The following PRRC2C variants were observed in gnomAD, a reference collection of about 807,000 sequenced individuals.
PRRC2C encodes protein PRRC2C.
A neutral mutation model predicts 317.2 loss-of-function variants in PRRC2C; 72 were observed. The observed-to-expected ratio is 0.23, with a 90% CI of 0.19 to 0.28. The LOEUF is 0.28. Ranked by LOEUF, PRRC2C falls within the 10% of genes least tolerant of loss-of-function variation. The pLI, the probability that PRRC2C is intolerant of heterozygous loss-of-function variation, is 1.00. For synonymous variants in PRRC2C, 1,296 were observed against 1,205.9 expected, an observed-to-expected ratio of 1.07 and a Z score of -1.55; for missense variants, 3,074 against 3,459.7, an observed-to-expected ratio of 0.89 and a Z score of 2.80.
chr1:171,576,897 C>T (rs934074630), intron 25 of PRRC2C, among the ~76,000 whole-genome samples: 1 of 152,140 alleles, frequency 6.6e-6, no homozygotes, highest in African/African-American at 2.4e-5. Context: ...CAATGTTCCC[C>T]AGGCTGGTCT....
chr1:171,503,988 A>T (rs182784790), intron 1 of PRRC2C, among the ~76,000 whole-genome samples: 2 of 152,206 alleles, frequency 1.3e-5, no homozygotes, highest in African/African-American at 4.8e-5. Context: ...GTTACCTTCC[A>T]CCGAGTCCCT....
At chr1:171,499,366 T>C (rs1361145313) in intron 1 of PRRC2C, among the ~76,000 whole-genome samples, 1 of 152,232 alleles carries the variant, frequency 6.6e-6, no homozygotes, top group Non-Finnish European at 1.5e-5. Flanking sequence ...AGTGATGTTT[T>C]GTAGATCATT....
intron 5 of PRRC2C, among the ~76,000 whole-genome samples, chr1:171,516,111 C>G (rs967321525): frequency 6.6e-6 from 1 of 152,126 alleles, no homozygotes; most frequent in Non-Finnish European, 1.5e-5. Context: ...AACAAGATGT[C>G]CAGGTGACTT....
intron 23 of PRRC2C, among the ~76,000 whole-genome samples, chr1:171,570,491 G>A (rs1471238091): frequency 6.6e-6 from 1 of 152,206 alleles, no homozygotes; most frequent in Admixed American, 6.5e-5. Context: ...ATGTATGAAA[G>A]AATCTCCATT....
At chr1:171,537,730 G>A (rs184995807) in intron 15 of PRRC2C, among the ~76,000 whole-genome samples, 1 of 152,192 alleles carries the variant, frequency 6.6e-6, no homozygotes, top group African/African-American at 2.4e-5. Context: ...TTTTGAGATA[G>A]GAACTTGCTC....
At position 171,540,586 on chromosome 1, in the gene PRRC2C, G is replaced by A; in HGVS notation, c.3120G>A (p.Lys1040=). 1 of 1,613,812 alleles carries A rather than the reference G, an allele frequency of 6.2e-7. No homozygotes were observed. The change falls in exon 16 of 35, where the codon AAG becomes AAA. Residue 1040 remains lysine, a synonymous_variant. Coordinates refer to ENST00000647382, the MANE Select transcript of PRRC2C (RefSeq NM_001387844.1). ...AGAGGAAGGAGAAAGAAGGAGAAAAGGCCGAAAAGGTCACTGAAAAAGTAG... is the reference window on the plus strand; with the variant it reads ...AGAGGAAGGAGAAAGAAGGAGAAAAAGCCGAAAAGGTCACTGAAAAAGTAG... ...REQRKEKEGE[K]AEKVTEKVVV...
In PRRC2C at chr1:171,566,292, T is replaced by C; in HGVS notation, c.6177T>C (p.Gly2059=). 1 of 1,610,954 alleles carries C rather than the reference T, an allele frequency of 6.2e-7. No individual in the cohort carries two copies. The highest frequency in any genetic ancestry group is 8.5e-7 in the Non-Finnish European group (1 of 1,178,590). ...TTGGAACTGACACAATTCAGTTTGG[T>C]GCTCCAGCCTCAAATGGAAATGAAA... is the stretch of plus-strand genomic sequence containing the variant. ...LEIGTDTIQF[G]APASNGNENE... The change falls in exon 21 of 35, where the codon GGT becomes GGC. Residue 2059 remains glycine (G), a synonymous_variant. Coordinates refer to ENST00000647382, the MANE Select transcript of PRRC2C (RefSeq NM_001387844.1).
intron 1 of PRRC2C, among the ~76,000 whole-genome samples, chr1:171,494,849 T>C (rs1667836352): frequency 1.3e-5 from 2 of 150,226 alleles, no homozygotes; most frequent in South Asian, 4.2e-4. Flanking sequence ...AAAACAAAGC[T>C]CTGGGCCTGG....
intron 20 of PRRC2C, among the ~76,000 whole-genome samples, chr1:171,565,218 A>G (rs1683423003): frequency 1.3e-5 from 2 of 152,040 alleles, no homozygotes; most frequent in Non-Finnish European, 2.9e-5. Context: ...TGGTCTCCCT[A>G]AACTCTTTCC....
chr1:171,577,558 T>G lies in PRRC2C; in HGVS notation c.7080T>G (p.Phe2360Leu). The G allele has an allele frequency of 6.2e-7, 1 of 1,613,868 alleles. No individual in the cohort carries two copies. The highest frequency in any genetic ancestry group is 1.1e-5 in the South Asian group (1 of 91,084). ...QTSSLPSASH[F>L]SQLSCMPSLI... ...GCAGCCTGCCTTCTGCAAGTCATTT[T>G]TCACAGTTAAGCTGTATGCCTTCCC... The change falls in exon 26 of 35, where the codon TTT (phenylalanine) becomes TTG (leucine). Residue 2360 changes from phenylalanine (F) to leucine (L), a missense_variant. Coordinates refer to ENST00000647382, the MANE Select transcript of PRRC2C (RefSeq NM_001387844.1).
chr1:171,536,906 TATC>T (rs1041147134), intron 14 of PRRC2C, among the ~76,000 whole-genome samples: 7 of 152,248 alleles, frequency 4.6e-5, no homozygotes, highest in African/African-American at 1.7e-4. Flanking sequence ...CTCTGAAAGT[TATC>T]ATAGTATAAT....
chr1:171,512,718 C>T (rs953615749), intron 2 of PRRC2C: 4 of 298,608 alleles, frequency 1.3e-5, no homozygotes, highest in African/African-American at 8.8e-5. Context: ...GAAATAGATT[C>T]TCTGAAAAAA....
At chr1:171,559,615 G>A (rs1409851344) in intron 19 of PRRC2C, among the ~76,000 whole-genome samples, 3 of 136,094 alleles carry the variant, frequency 2.2e-5, no homozygotes, top group Non-Finnish European at 4.6e-5. Flanking sequence ...TCCGCCTCCC[G>A]GATTCAAGCA....
Position 171,579,339 on chromosome 1 carries a change from C to G in PRRC2C, c.7160-15C>G. 4 of 1,607,380 alleles carry G rather than the reference C, an allele frequency of 2.5e-6. No homozygotes were observed. The highest frequency in any genetic ancestry group is 3.4e-6 in the Non-Finnish European group (4 of 1,175,824). ...AGGACACTTACTACTGCTTGTTTATCCTGATGGTCTACAGCTCAAATCCCA... is the reference window on the plus strand; with the variant it reads ...AGGACACTTACTACTGCTTGTTTATGCTGATGGTCTACAGCTCAAATCCCA... On this transcript the variant is annotated splice_polypyrimidine_tract_variant and intron_variant, in intron 26 of 34. Coordinates refer to ENST00000647382, the MANE Select transcript of PRRC2C (RefSeq NM_001387844.1).
At chr1:171,490,563 T>C (rs1361705261) in intron 1 of PRRC2C, among the ~76,000 whole-genome samples, 1 of 152,158 alleles carries the variant, frequency 6.6e-6, no homozygotes, top group Non-Finnish European at 1.5e-5. Flanking sequence ...GATAGAGAAA[T>C]GTAATAGGAT....
chr1:171,551,008 G>T (rs1031151875), intron 18 of PRRC2C, among the ~76,000 whole-genome samples: 10 of 152,158 alleles, frequency 6.6e-5, no homozygotes, highest in Non-Finnish European at 1.2e-4. Context: ...GGGGCAAATG[G>T]TATGTCTAGT....
At chr1:171,499,239 G>C (rs1668648806) in intron 1 of PRRC2C, among the ~76,000 whole-genome samples, 1 of 152,174 alleles carries the variant, frequency 6.6e-6, no homozygotes, top group African/African-American at 2.4e-5. Flanking sequence ...AGGAAAGCAC[G>C]TCTCTTGTTC....
chr1:171,529,163 C>T (rs1675308173), intron 11 of PRRC2C, among the ~76,000 whole-genome samples: 1 of 152,130 alleles, frequency 6.6e-6, no homozygotes, highest in Non-Finnish European at 1.5e-5. Context: ...CTTTCTATTC[C>T]TTCTGGGCCT....
At chr1:171,528,879 A>G (rs1675235474) in intron 11 of PRRC2C, among the ~76,000 whole-genome samples, 1 of 151,980 alleles carries the variant, frequency 6.6e-6, no homozygotes, top group Non-Finnish European at 1.5e-5. Flanking sequence ...TGGTGTAATC[A>G]TAGCTCACTG....
Sources: gnomAD v4.1 joint callset for allele counts (sites outside exome capture counted in the v4.1 genomes callset) on GRCh38, gnomAD v4.1.1 for gene constraint, MANE v1.5 for transcripts, NCBI Gene and HGNC (gene_info 2026-07-23, HGNC 2026-07-21) for gene names.